The following TTBK2 variants were observed in gnomAD, a reference collection of about 807,000 sequenced individuals.
TTBK2 encodes tau tubulin kinase 2.
A neutral mutation model predicts 110.8 loss-of-function variants in TTBK2; 28 were observed. That is an observed-to-expected ratio of 0.25 (90% CI 0.19 to 0.35). TTBK2 has a LOEUF of 0.35. TTBK2 is among the 10% of genes least tolerant of loss of function. TTBK2 has a pLI of 1.00. For synonymous variants in TTBK2, 532 were observed against 527.3 expected (o/e 1.01, Z -0.12); for missense variants, 1,369 against 1,500.3 (o/e 0.91, Z 1.45).
chr15:42,801,309 C>T lies in TTBK2; in HGVS notation c.823-6508G>A, dbSNP rs369704236. The T allele has an allele frequency of 1.9e-4, 290 of 1,530,034 alleles. 11 individuals carry two copies. The highest frequency in any genetic ancestry group is 2.3e-4 in the Non-Finnish European group (261 of 1,124,686). 94.8% of individuals were successfully genotyped at this position (1,530,034 alleles called of 1,614,324 possible). ...CAGCTCCTGGTACTCACGCAGCTGC[C>T]GCGCCATGTCTTGACTGGCTAGCTG... On this transcript the variant is annotated intron_variant, in intron 9 of 14. Coordinates refer to ENST00000267890, the MANE Select transcript of TTBK2 (RefSeq NM_173500.4).
chr15:42,766,187 G>A (rs1297571074), intron 13 of TTBK2, among the ~76,000 whole-genome samples: 1 of 151,948 alleles, frequency 6.6e-6, no homozygotes, highest in East Asian at 1.9e-4. Context: ...AAAGACCATC[G>A]ATGCTAGGAA....
intron 2 of TTBK2, 147 bp downstream of exon 2, chr15:42,878,402 A>T (rs1354978126): frequency 6.8e-7 from 1 of 1,467,992 alleles, no homozygotes; most frequent in Non-Finnish European, 9.2e-7. Context: ...AACTGTAAAT[A>T]ACTGCTTTAG....
At chr15:42,784,016 T>G (rs1342773007) in intron 10 of TTBK2, among the ~76,000 whole-genome samples, 2 of 151,398 alleles carry the variant, frequency 1.3e-5, no homozygotes, top group African/African-American at 4.9e-5. Flanking sequence ...GAGCCAAGAT[T>G]GCGCCACTGC....
In TTBK2 at chr15:42,794,750, T is replaced by G; in HGVS notation, c.874A>C (p.Ser292Arg). The stretch of plus-strand genomic sequence containing the variant: ...GTCTTCTCCCAGTCAAAAGGGTCAC[T>G]CTCAATTACTCCAAAAGTCTTGATG... ...NSIKTFGVIESDPFDWEKTGN... is the reference protein window; with the variant it reads ...NSIKTFGVIERDPFDWEKTGN... Residue 292 changes from serine (S) to arginine (R), a missense_variant, in exon 10 of 15, where the codon AGT becomes CGT. Transcript: ENST00000267890. The G allele has an allele frequency of 6.2e-7, 1 of 1,614,098 alleles. No homozygotes were observed. Among genetic ancestry groups the G allele is most frequent in the Non-Finnish European group, 8.5e-7 (1 of 1,180,026 alleles).
chr15:42,821,339 A>T (rs1019317729), intron 6 of TTBK2, among the ~76,000 whole-genome samples: 6 of 152,180 alleles, frequency 3.9e-5, no homozygotes, highest in Admixed American at 3.9e-4. Flanking sequence ...GGTGAAATGG[A>T]GATTTATTTC....
rs934195609 is a variant in TTBK2 at position 42,741,496 on chromosome 15, C to T, written c.*4299G>A. 1 of 152,222 alleles carries T rather than the reference C, an allele frequency of 6.6e-6. No homozygotes were observed. Among genetic ancestry groups the T allele is most frequent in the Admixed American group, 6.5e-5 (1 of 15,274 alleles). The allele number at this position is 152,222 out of a possible 1,614,324, so 9.4% of individuals were successfully genotyped here. Reference sequence around the variant, plus strand: ...ACAGCGCAACAGTACTTGTCAACCACTCCATCTCCTCAGTGACACAGGTGC... The same window carrying T: ...ACAGCGCAACAGTACTTGTCAACCATTCCATCTCCTCAGTGACACAGGTGC... On this transcript the variant is annotated 3_prime_UTR_variant, in exon 15 of 15. Transcript: ENST00000267890.
chr15:42,863,109 AAAG>A (rs1173591463), intron 3 of TTBK2, among the ~76,000 whole-genome samples: 2 of 152,140 alleles, frequency 1.3e-5, no homozygotes, highest in African/African-American at 4.8e-5. Context: ...CCAAATAGGA[AAAG>A]AAGAAGTCAA....
chr15:42,834,061 A>C (rs1460108349), intron 4 of TTBK2, among the ~76,000 whole-genome samples: 1 of 151,800 alleles, frequency 6.6e-6, no homozygotes, highest in Non-Finnish European at 1.5e-5. Flanking sequence ...GCATGGTAGC[A>C]GACACTTGTA....
intron 9 of TTBK2, chr15:42,801,059 G>A (rs371877305): frequency 1.2e-4 from 94 of 770,664 alleles, no homozygotes; most frequent in Admixed American, 6.5e-4. Flanking sequence ...TGGTGTGGCT[G>A]AAGGAGCTGG....
Position 42,764,683 on chromosome 15 carries a change from T to A in TTBK2, c.1998+10452A>T, listed in dbSNP as rs1433306513. 3.3e-5 allele frequency among the ~76,000 whole-genome samples: 5 copies of A among 152,376 alleles called. No individual in the cohort carries two copies. The East Asian group carries it at 9.6e-4, about 29-fold the overall frequency. On this transcript the variant is annotated intron_variant, in intron 13 of 14. Transcript: ENST00000267890. ...AGACTCCACCTCTGGGGGCAGAGCA[T>A]AGCTGAACAAAAGGCAGCAGAAACT...
intron 1 of TTBK2, among the ~76,000 whole-genome samples, chr15:42,896,883 G>T (rs1210653490): frequency 6.6e-6 from 1 of 151,290 alleles, no homozygotes; most frequent in Admixed American, 6.6e-5. Flanking sequence ...TTCAGTTTTA[G>T]ATTTTTTTTT....
intron 1 of TTBK2, among the ~76,000 whole-genome samples, chr15:42,896,884 A>AT (rs757444236): frequency 1.8e-3 from 260 of 146,474 alleles, no homozygotes; most frequent in Middle Eastern, 3.5e-3. Context: ...TCAGTTTTAG[A>AT]TTTTTTTTTT....
intron 3 of TTBK2, among the ~76,000 whole-genome samples, chr15:42,862,596 T>C (rs578250086): frequency 6.6e-6 from 1 of 152,202 alleles, no homozygotes; most frequent in South Asian, 2.1e-4. Flanking sequence ...CTCAAAATAA[T>C]AGCCATCTAT....
chr15:42,910,931 C>G (rs1213787159), intron 1 of TTBK2, among the ~76,000 whole-genome samples: 1 of 151,632 alleles, frequency 6.6e-6, no homozygotes, highest in Non-Finnish European at 1.5e-5. Flanking sequence ...GTAATCCCAG[C>G]TACTTGGGAG....
At chr15:42,763,086 A>ATATATATATATATATATATATATACG (rs1567008366) in intron 13 of TTBK2, among the ~76,000 whole-genome samples, 4 of 106,798 alleles carry the variant, frequency 3.7e-5, no homozygotes, top group African/African-American at 2.2e-4. Flanking sequence ...TAACAATTTT[A>ATATATATATATATATATATATATACG]TATATATATA....
chr15:42,815,288 T>C (rs1297163652), intron 7 of TTBK2, among the ~76,000 whole-genome samples: 1 of 152,104 alleles, frequency 6.6e-6, no homozygotes, highest in Non-Finnish European at 1.5e-5. Flanking sequence ...AAAATAGCTT[T>C]ACTATTTTCA....
At chr15:42,822,887 G>A (rs1421452938) in intron 6 of TTBK2, among the ~76,000 whole-genome samples, 1 of 152,120 alleles carries the variant, frequency 6.6e-6, no homozygotes, top group Non-Finnish European at 1.5e-5. Flanking sequence ...ATGTAAAGGA[G>A]GGAATGTATG....
In TTBK2 at chr15:42,897,246, T is replaced by C. The variant is rs1358785369; in HGVS notation, c.-67-18562A>G. Reference sequence around the variant, plus strand: ...TGTTAAAGAAAAAGAATATTTAGAGTACCAATAATTTTTAAGATTAGTAAG... The same window carrying C: ...TGTTAAAGAAAAAGAATATTTAGAGCACCAATAATTTTTAAGATTAGTAAG... On this transcript the variant is annotated intron_variant, in intron 1 of 14. Coordinates refer to ENST00000267890, the MANE Select transcript of TTBK2 (RefSeq NM_173500.4). 2.0e-5 allele frequency among the ~76,000 whole-genome samples: 3 copies of C among 152,042 alleles called. No homozygotes were observed. The East Asian group carries it at 5.8e-4, about 29-fold the overall frequency.
In TTBK2 at chr15:42,775,612, A is replaced by G. The variant is rs369226210; in HGVS notation, c.1521T>C (p.Tyr507=). The change falls in exon 13 of 15, where the codon TAT becomes TAC. Residue 507 remains tyrosine, a synonymous_variant. Transcript: ENST00000267890. ...AGGCATCTGGAAGATATTCTTCATC[A>G]TAGTGCCAGATGTGGTCAGTACGGG... ...AVSRTDHIWH[Y]DEEYLPDASK... is the part of the protein sequence containing the mutation. 14 of 1,613,966 alleles carry G rather than the reference A, an allele frequency of 8.7e-6. No individual in the cohort carries two copies. Among genetic ancestry groups the G allele is most frequent in the African/African-American group, 1.3e-5 (1 of 74,914 alleles).
Sources: gnomAD v4.1 joint callset for allele counts (sites outside exome capture counted in the v4.1 genomes callset) on GRCh38, gnomAD v4.1.1 for gene constraint, MANE v1.5 for transcripts, NCBI Gene and HGNC (gene_info 2026-07-23, HGNC 2026-07-21) for gene names.